The following TRAPPC9 variants were observed in gnomAD, a reference collection of about 807,000 sequenced individuals.
The protein encoded by TRAPPC9 is IKK2 binding protein.
A neutral mutation model predicts 124.0 loss-of-function variants in TRAPPC9; 83 were observed. The observed-to-expected ratio is 0.67, with a 90% CI of 0.56 to 0.80. The LOEUF is 0.80. Ranked by LOEUF, TRAPPC9 falls within the 30% of genes least tolerant of loss-of-function variation. The pLI is 0.00. For synonymous variants in TRAPPC9, 638 were observed against 617.5 expected, an observed-to-expected ratio of 1.03 and a Z score of -0.49; for missense variants, 1,302 against 1,508.3, an observed-to-expected ratio of 0.86 and a Z score of 2.27.
intron 17 of TRAPPC9, among the ~76,000 whole-genome samples, chr8:140,074,572 TAACA>T (rs1429094838): frequency 2.6e-5 from 4 of 152,068 alleles, no homozygotes; most frequent in African/African-American, 9.7e-5. Flanking sequence ...TCGCTGCACT[TAACA>T]AACACTTACT....
intron 17 of TRAPPC9, among the ~76,000 whole-genome samples, chr8:140,168,296 C>T (rs114529643): frequency 2.0e-5 from 3 of 152,264 alleles, no homozygotes; most frequent in Admixed American, 6.5e-5. Context: ...TCTCCAGTGA[C>T]GAATGGTTCG....
chr8:139,885,710 G>T (rs980693037), intron 21 of TRAPPC9, among the ~76,000 whole-genome samples, 169 bp downstream of exon 21: 72 of 152,368 alleles, frequency 4.7e-4, no homozygotes, highest in African/African-American at 1.2e-3. Flanking sequence ...ACACAGAGGT[G>T]CTGGCGCAGT....
At chr8:139,789,875 C>T (rs1364663861) in intron 21 of TRAPPC9, among the ~76,000 whole-genome samples, 1 of 152,148 alleles carries the variant, frequency 6.6e-6, no homozygotes, top group Non-Finnish European at 1.5e-5. Flanking sequence ...GTAGGCCGGC[C>T]TCAGTGCAGC....
At chr8:140,078,310 C>T (rs1843623666) in intron 17 of TRAPPC9, among the ~76,000 whole-genome samples, 1 of 152,196 alleles carries the variant, frequency 6.6e-6, no homozygotes, top group Admixed American at 6.5e-5. Flanking sequence ...GAAGACACTG[C>T]TGTTATGCTG....
At chr8:140,294,601 A>C (rs1037325895) in intron 11 of TRAPPC9, among the ~76,000 whole-genome samples, 1 of 151,626 alleles carries the variant, frequency 6.6e-6, no homozygotes, top group South Asian at 2.1e-4. Flanking sequence ...ATAAAAATTT[A>C]TTCTTCTTTT....
chr8:139,734,424 T>C (rs1818027085), intron 21 of TRAPPC9, among the ~76,000 whole-genome samples: 1 of 152,220 alleles, frequency 6.6e-6, no homozygotes, highest in Non-Finnish European at 1.5e-5. Context: ...CCAGTGTAAG[T>C]GACTGATGCA....
At chr8:140,045,260 A>G (rs1841512004) in intron 17 of TRAPPC9, among the ~76,000 whole-genome samples, 2 of 152,310 alleles carry the variant, frequency 1.3e-5, no homozygotes, top group South Asian at 2.1e-4. Flanking sequence ...GCGTACACGA[A>G]GCGAGGATGG....
At position 139,728,127 on chromosome 8, in the gene TRAPPC9, T is replaced by C. The variant is rs143193072; in HGVS notation, c.*2934A>G. Among the ~76,000 whole-genome samples, 97 of 152,302 alleles carry C rather than the reference T, an allele frequency of 6.4e-4. No homozygotes were observed. The highest frequency in any genetic ancestry group is 8.8e-4 in the Non-Finnish European group (60 of 68,034). Reference sequence around the variant, plus strand: ...ATTCAGATGAAAAAAAATCAAGGCTTAATTTAAGTAACTTGTCCAAGGTCA... The same window carrying C: ...ATTCAGATGAAAAAAAATCAAGGCTCAATTTAAGTAACTTGTCCAAGGTCA... On this transcript the variant is annotated 3_prime_UTR_variant, in exon 23 of 23. Transcript: ENST00000438773.
At chr8:139,797,806 G>A (rs547195740) in intron 21 of TRAPPC9, among the ~76,000 whole-genome samples, 64 of 152,296 alleles carry the variant, frequency 4.2e-4, no homozygotes, top group Admixed American at 8.5e-4. Flanking sequence ...TCGCTTGGCC[G>A]TAAATGCAAG....
intron 19 of TRAPPC9, among the ~76,000 whole-genome samples, chr8:139,969,481 G>A (rs1171335662): frequency 6.6e-6 from 1 of 152,232 alleles, no homozygotes; most frequent in Non-Finnish European, 1.5e-5. Flanking sequence ...CCTAGGTTCG[G>A]ATCCTGGCTC....
At chr8:140,054,345 A>C (rs1012169174) in intron 17 of TRAPPC9, among the ~76,000 whole-genome samples, 1 of 152,240 alleles carries the variant, frequency 6.6e-6, no homozygotes, top group Non-Finnish European at 1.5e-5. Context: ...ATCAAAAAGG[A>C]AATTTCAAAA....
chr8:139,896,976 A>T (rs187935412), intron 20 of TRAPPC9, among the ~76,000 whole-genome samples: 3 of 152,356 alleles, frequency 2.0e-5, no homozygotes, highest in African/African-American at 7.2e-5. Context: ...TGGCAACAGA[A>T]CTGTGAAATC....
At chr8:140,379,115 TC>T (rs749184027) in intron 7 of TRAPPC9, among the ~76,000 whole-genome samples, 9 of 151,652 alleles carry the variant, frequency 5.9e-5, no homozygotes, top group Non-Finnish European at 8.8e-5. Context: ...TTTTTTTTTT[TC>T]ATTAAAAAAC....
At chr8:140,296,841 A>G (rs1588113646) in intron 11 of TRAPPC9, among the ~76,000 whole-genome samples, 2 of 152,202 alleles carry the variant, frequency 1.3e-5, no homozygotes, top group South Asian at 2.1e-4. Context: ...GCTTTCCTCA[A>G]AAGTTCCGTA....
intron 9 of TRAPPC9, among the ~76,000 whole-genome samples, chr8:140,351,268 C>G (rs555074691): frequency 6.6e-6 from 1 of 151,290 alleles, no homozygotes; most frequent in Non-Finnish European, 1.5e-5. Context: ...CAAAGACGGC[C>G]AAATCCATTC....
At chr8:140,268,705 G>GC (rs2064773811) in intron 15 of TRAPPC9, among the ~76,000 whole-genome samples, 1 of 152,128 alleles carries the variant, frequency 6.6e-6, no homozygotes, top group Non-Finnish European at 1.5e-5. Context: ...GGCCCTATGT[G>GC]CCCTGCGCAT....
intron 17 of TRAPPC9, among the ~76,000 whole-genome samples, chr8:140,129,005 T>TTA (rs1563783120): frequency 1.5e-5 from 2 of 134,754 alleles, no homozygotes; most frequent in African/African-American, 2.8e-5. Context: ...ATATATATAT[T>TTA]AAAAAAAAAA....
chr8:140,207,355 C>T (rs1433423543), intron 17 of TRAPPC9, among the ~76,000 whole-genome samples: 1 of 152,156 alleles, frequency 6.6e-6, no homozygotes, highest in Non-Finnish European at 1.5e-5. Flanking sequence ...TTTTGTTTGA[C>T]GTTGTCTCTA....
At chr8:140,438,956 C>T in intron 3 of TRAPPC9, 96 bp downstream of exon 3, 1 of 1,523,692 alleles carries the variant, frequency 6.6e-7, no homozygotes, top group Non-Finnish European at 9.1e-7. Context: ...TCCCAAAGTG[C>T]TGGGATTACA....
Sources: allele counts gnomAD v4.1 joint callset (sites outside exome capture counted in the v4.1 genomes callset), GRCh38; gene constraint gnomAD v4.1.1; transcripts MANE v1.5; gene names NCBI Gene and HGNC (gene_info 2026-07-23, HGNC 2026-07-21).